Variants in PRKCA observed in about 807,000 individuals in gnomAD.
PRKCA encodes protein kinase C alpha type.
In PRKCA, 27 loss-of-function variants were observed where a neutral mutation model predicts 87.0. The ratio of observed to expected loss-of-function variants is 0.31; its 90% CI spans 0.23 to 0.43. The LOEUF (loss-of-function observed/expected upper bound fraction) is 0.43. PRKCA is among the 20% of genes least tolerant of loss of function. The pLI is 1.00. For synonymous variants in PRKCA, 329 were observed against 311.1 expected, an observed-to-expected ratio of 1.06 and a Z score of -0.61; for missense variants, 518 against 852.3, an observed-to-expected ratio of 0.61 and a Z score of 4.88.
At chr17:66,663,153 C>T (rs774878296) in intron 5 of PRKCA, among the ~76,000 whole-genome samples, 4 of 152,220 alleles carry the variant, frequency 2.6e-5, no homozygotes, top group Non-Finnish European at 5.9e-5. Context: ...GAAGACAGGG[C>T]TCCCTCGGGC....
chr17:66,413,961 C>T (rs1471514350), intron 2 of PRKCA, among the ~76,000 whole-genome samples: 1 of 149,114 alleles, frequency 6.7e-6, no homozygotes, highest in African/African-American at 2.5e-5. Flanking sequence ...TGCAGTGAGC[C>T]AGGATTGCAC....
intron 2 of PRKCA, among the ~76,000 whole-genome samples, chr17:66,461,795 C>T (rs1914864042): frequency 6.6e-6 from 1 of 152,034 alleles, no homozygotes. Context: ...AGTTAATTGG[C>T]AGCTGGAGTG....
intron 3 of PRKCA, among the ~76,000 whole-genome samples, chr17:66,567,273 A>C (rs937258917): frequency 1.3e-5 from 2 of 152,184 alleles, no homozygotes; most frequent in African/African-American, 2.4e-5. Context: ...CCGAGGTGAC[A>C]AGATAGGAAG....
intron 2 of PRKCA, among the ~76,000 whole-genome samples, chr17:66,374,719 C>CTTTTTTTTTTTT (rs35431248): frequency 2.6e-5 from 3 of 115,824 alleles, no homozygotes; most frequent in African/African-American, 3.3e-5. Context: ...GAGTTGCATT[C>CTTTTTTTTTTTT]TTTTTTTTTT....
At chr17:66,411,835 G>A (rs528090462) in intron 2 of PRKCA, among the ~76,000 whole-genome samples, 1 of 119,312 alleles carries the variant, frequency 8.4e-6, no homozygotes, top group South Asian at 3.6e-4. Flanking sequence ...TGTGCTGCAG[G>A]GATTCTTGTC....
chr17:66,784,695 C>T (rs903194418), intron 14 of PRKCA, among the ~76,000 whole-genome samples: 7 of 152,294 alleles, frequency 4.6e-5, no homozygotes, highest in South Asian at 2.1e-4. Context: ...AGGGAAGATA[C>T]GGTGGGGTGG....
At chr17:66,793,619 G>A (rs905245504) in intron 16 of PRKCA, among the ~76,000 whole-genome samples, 7 of 139,198 alleles carry the variant, frequency 5.0e-5, no homozygotes, top group Admixed American at 1.4e-4. Flanking sequence ...AAAAAAAACC[G>A]GAATGTTCAG....
chr17:66,494,581 A>G (rs1247974284), intron 2 of PRKCA, among the ~76,000 whole-genome samples: 5 of 152,182 alleles, frequency 3.3e-5, no homozygotes, highest in African/African-American at 1.2e-4. Context: ...ATGGCAACCA[A>G]ATTTCAACAT....
At chr17:66,335,581 C>T (rs1284976944) in intron 2 of PRKCA, among the ~76,000 whole-genome samples, 2 of 150,070 alleles carry the variant, frequency 1.3e-5, no homozygotes, top group African/African-American at 4.9e-5. Context: ...AAACTCCCCC[C>T]ACTGCCCAAA....
chr17:66,612,728 GTT>G (rs760834125), intron 3 of PRKCA, among the ~76,000 whole-genome samples: 6 of 142,692 alleles, frequency 4.2e-5, no homozygotes, highest in Admixed American at 1.4e-4. Flanking sequence ...TCTGTTGGAG[GTT>G]TTTTTTTTTT....
intron 3 of PRKCA, among the ~76,000 whole-genome samples, chr17:66,499,368 G>A (rs376037743): frequency 1.6e-4 from 25 of 152,238 alleles, no homozygotes; most frequent in South Asian, 1.0e-3. Flanking sequence ...AGGGGCTATA[G>A]GCCAATACTG....
intron 5 of PRKCA, among the ~76,000 whole-genome samples, chr17:66,664,238 C>T (rs987386808): frequency 6.6e-6 from 1 of 152,128 alleles, no homozygotes; most frequent in African/African-American, 2.4e-5. Flanking sequence ...CCGCTTTGAG[C>T]AGTTTCTTCT....
Position 66,792,657 on chromosome 17 carries a change from A to G in PRKCA, c.1854+3678A>G, listed in dbSNP as rs1322212646. Reference sequence around the variant, plus strand: ...GGACTTTCCATCTCACGGCGACATTAAGATCAAGATCTGCAGTACAGCTGT... The same window carrying G: ...GGACTTTCCATCTCACGGCGACATTGAGATCAAGATCTGCAGTACAGCTGT... On this transcript the variant is annotated intron_variant, in intron 16 of 16. Coordinates refer to ENST00000413366, the MANE Select transcript of PRKCA (RefSeq NM_002737.3). The surrounding 1 kb of genome is among the most constrained non-coding windows in gnomAD (Gnocchi z 4.5). Among the ~76,000 whole-genome samples, 2 of 152,268 alleles carry G rather than the reference A, an allele frequency of 1.3e-5. No homozygotes were observed. The highest frequency in any genetic ancestry group is 2.9e-5 in the Non-Finnish European group (2 of 68,046).
chr17:66,748,342 CAT>C (rs892566231), intron 13 of PRKCA, among the ~76,000 whole-genome samples: 3 of 152,184 alleles, frequency 2.0e-5, no homozygotes, highest in Non-Finnish European at 2.9e-5. Context: ...TGTTTTTTAA[CAT>C]GTGTATACAA....
chr17:66,651,556 T>A (rs1971591789), intron 5 of PRKCA, among the ~76,000 whole-genome samples: 1 of 152,152 alleles, frequency 6.6e-6, no homozygotes, highest in African/African-American at 2.4e-5. Context: ...ATATAATAAC[T>A]TGTTGGAGGC....
chr17:66,596,571 CTTTT>C lies in PRKCA; in HGVS notation c.289-44766_289-44763del, dbSNP rs10582567. ...GTAGGAAATTGAAAAAATATTAAAC[CTTTT>C]TTTTTTTTTTTTTTTTTATTATACT... is the stretch of plus-strand genomic sequence containing the variant. On this transcript the variant is annotated intron_variant, in intron 3 of 16. Transcript: ENST00000413366. 5.6e-3 allele frequency among the ~76,000 whole-genome samples: 633 copies of C among 113,842 alleles called. 2 individuals are homozygous for C. The highest frequency in any genetic ancestry group is 6.2e-3 in the Non-Finnish European group (363 of 58,714). 74.7% of individuals were successfully genotyped at this position (113,842 alleles called of 152,430 possible).
At chr17:66,623,873 T>G (rs1233241095) in intron 3 of PRKCA, among the ~76,000 whole-genome samples, 1 of 151,886 alleles carries the variant, frequency 6.6e-6, no homozygotes, top group Non-Finnish European at 1.5e-5. Context: ...GGCTCCAGGC[T>G]GATGGACAGC....
rs187923895 is a variant in PRKCA, at chr17:66,654,637, G to A, written c.529+9126G>A. ...GCCTACACTGTTGCTTCAAGTGCTT[G>A]CAATTTCACATTTCTATCCTGCAAT... On this transcript the variant is annotated intron_variant, in intron 5 of 16. Transcript: ENST00000413366. Among the ~76,000 whole-genome samples, 109 of 152,306 alleles carry A rather than the reference G, an allele frequency of 7.2e-4. 1 individual carries two copies. The highest frequency in any genetic ancestry group is 2.1e-4 in the South Asian group (1 of 4,820).
chr17:66,626,577 A>T (rs1275451267), intron 3 of PRKCA, among the ~76,000 whole-genome samples: 4 of 147,340 alleles, frequency 2.7e-5, no homozygotes, highest in Non-Finnish European at 3.0e-5. Context: ...TCACCATGTT[A>T]GCCAGGCTGG....
Sources: gnomAD v4.1 joint callset for allele counts (sites outside exome capture counted in the v4.1 genomes callset) on GRCh38, gnomAD v4.1.1 for gene constraint, Gnocchi (gnomAD v3.1) non-coding constraint, MANE v1.5 for transcripts, NCBI Gene and HGNC (gene_info 2026-07-23, HGNC 2026-07-21) for gene names.